RBMS1: variants seen among roughly 807,000 people sequenced by gnomAD.
RBMS1 encodes RNA-binding motif, single-stranded-interacting protein 1.
A neutral mutation model predicts 62.3 loss-of-function variants in RBMS1; 17 were observed. The observed-to-expected ratio is 0.27, with a 90% CI of 0.19 to 0.41. The LOEUF (loss-of-function observed/expected upper bound fraction) is 0.41. Among genes scored for constraint, RBMS1 ranks in the 10% least tolerant of loss-of-function variants. RBMS1 has a pLI of 1.00. For missense variants in RBMS1, 334 were observed against 504.5 expected, an observed-to-expected ratio of 0.66 and a Z score of 3.24; for synonymous variants, 172 against 170.0, an observed-to-expected ratio of 1.01 and a Z score of -0.09.
chr2:160,403,505 C>T (rs1695539095), intron 1 of RBMS1, among the ~76,000 whole-genome samples: 1 of 152,240 alleles, frequency 6.6e-6, no homozygotes, highest in Non-Finnish European at 1.5e-5. Flanking sequence ...CACTGAATCA[C>T]TGTTGAATTC....
intron 1 of RBMS1, among the ~76,000 whole-genome samples, chr2:160,474,681 T>A (rs1685054810): frequency 6.6e-6 from 1 of 152,080 alleles, no homozygotes; most frequent in Non-Finnish European, 1.5e-5. Context: ...ACAGGAAGAG[T>A]CATTTCAAAC....
intron 1 of RBMS1, among the ~76,000 whole-genome samples, chr2:160,419,673 C>T (rs977925037): frequency 5.9e-5 from 9 of 152,122 alleles, no homozygotes; most frequent in African/African-American, 2.2e-4. Flanking sequence ...CAGAGGATCC[C>T]AGACAACAAA....
At chr2:160,470,049 G>A (rs1448793939) in intron 1 of RBMS1, among the ~76,000 whole-genome samples, 1 of 152,190 alleles carries the variant, frequency 6.6e-6, no homozygotes, top group Non-Finnish European at 1.5e-5. Flanking sequence ...TTAAACCCAT[G>A]AGGCTGTTGT....
intron 1 of RBMS1, among the ~76,000 whole-genome samples, chr2:160,392,143 T>C (rs915236659): frequency 6.6e-6 from 1 of 152,208 alleles, no homozygotes; most frequent in Non-Finnish European, 1.5e-5. Context: ...GGTTTTATTT[T>C]GTACCTACCT....
At chr2:160,309,335 T>C (rs764295611) in intron 4 of RBMS1, among the ~76,000 whole-genome samples, 11 of 152,092 alleles carry the variant, frequency 7.2e-5, no homozygotes, top group Non-Finnish European at 1.2e-4. Context: ...ATGGATACAA[T>C]AGATAGATGT....
intron 1 of RBMS1, among the ~76,000 whole-genome samples, chr2:160,473,738 CTT>C (rs1440434288): frequency 6.6e-6 from 1 of 152,178 alleles, no homozygotes; most frequent in Non-Finnish European, 1.5e-5. Context: ...TCTGAAAACT[CTT>C]TTTCTCAGCA....
At chr2:160,417,334 A>C (rs1201929357) in intron 1 of RBMS1, among the ~76,000 whole-genome samples, 1 of 152,234 alleles carries the variant, frequency 6.6e-6, no homozygotes, top group Non-Finnish European at 1.5e-5. Flanking sequence ...ATTACTTAAG[A>C]TCATAAAGAG....
intron 1 of RBMS1, among the ~76,000 whole-genome samples, chr2:160,392,657 A>G (rs1203009933): frequency 6.6e-6 from 1 of 152,180 alleles, no homozygotes; most frequent in Non-Finnish European, 1.5e-5. Flanking sequence ...TGGGAAGTCA[A>G]GGTGGGAGAA....
At chr2:160,415,760 A>T (rs189393293) in intron 1 of RBMS1, among the ~76,000 whole-genome samples, 178 of 152,314 alleles carry the variant, frequency 1.2e-3, no homozygotes, top group African/African-American at 4.1e-3. Flanking sequence ...TAAAGCATTC[A>T]ATACACAGAA....
At chr2:160,477,741 C>T (rs569956843) in intron 1 of RBMS1, among the ~76,000 whole-genome samples, 2 of 152,320 alleles carry the variant, frequency 1.3e-5, no homozygotes, top group Non-Finnish European at 2.9e-5. Context: ...AATAATTCCT[C>T]ATCTGCTTAT....
chr2:160,391,556 T>C (rs1359651570), intron 1 of RBMS1, among the ~76,000 whole-genome samples: 1 of 152,184 alleles, frequency 6.6e-6, no homozygotes, highest in Non-Finnish European at 1.5e-5. Flanking sequence ...AACACACATT[T>C]TGCCATAAAA....
intron 1 of RBMS1, among the ~76,000 whole-genome samples, chr2:160,467,295 T>C (rs1684736751): frequency 6.6e-6 from 1 of 151,860 alleles, no homozygotes; most frequent in African/African-American, 2.4e-5. Flanking sequence ...GGTGAAAGCC[T>C]AGCCACAAAG....
chr2:160,343,013 C>T (rs1691966951), intron 2 of RBMS1, among the ~76,000 whole-genome samples: 1 of 152,038 alleles, frequency 6.6e-6, no homozygotes, highest in Non-Finnish European at 1.5e-5. Context: ...ACCTATGAAG[C>T]CACCATGGCA....
Position 160,469,446 on chromosome 2 carries a change from G to C in RBMS1, c.75+23843C>G, listed in dbSNP as rs548260198. ...CCCACACAAGGTGTCTGCAACTCGG[G>C]GCTGCAGGGCCTTGAGAGCTTCCAA... On this transcript the variant is annotated intron_variant, in intron 1 of 13. Transcript: ENST00000348849. Among the ~76,000 whole-genome samples the C allele has an allele frequency of 4.6e-4, 70 of 152,212 alleles. 1 individual carries two copies. The highest frequency in any genetic ancestry group is 1.7e-3 in the African/African-American group (69 of 41,542).
rs554414476 is a variant in RBMS1, at chr2:160,368,829, AG to A, written c.76-1439del. On this transcript the variant is annotated intron_variant, in intron 1 of 13. Coordinates refer to ENST00000348849, the MANE Select transcript of RBMS1 (RefSeq NM_016836.4). ...TAATTTTTGTATTTTTAGTAGAGAC[AG>A]GGTTTCACCATGTTGACCTGGCTGG... Among the ~76,000 whole-genome samples the A allele has an allele frequency of 2.1e-3, 319 of 152,144 alleles. 2 individuals carry two copies. Among genetic ancestry groups the A allele is most frequent in the African/African-American group, 7.5e-3 (312 of 41,530 alleles).
intron 2 of RBMS1, among the ~76,000 whole-genome samples, chr2:160,366,537 T>G (rs1490183353): frequency 1.3e-5 from 2 of 152,250 alleles, no homozygotes; most frequent in South Asian, 4.1e-4. Context: ...GCTCCTTGTT[T>G]TAAAATTAGT....
chr2:160,313,750 TAAAATA>T (rs908734446), intron 3 of RBMS1, among the ~76,000 whole-genome samples: 1 of 152,126 alleles, frequency 6.6e-6, no homozygotes, highest in Non-Finnish European at 1.5e-5. Flanking sequence ...ACCCCCAATA[TAAAATA>T]ATCTAAAGTT....
At chr2:160,359,600 TACATAG>T (rs1173398966) in intron 2 of RBMS1, among the ~76,000 whole-genome samples, 4 of 152,222 alleles carry the variant, frequency 2.6e-5, no homozygotes, top group Non-Finnish European at 5.9e-5. Flanking sequence ...ATTTCCTATT[TACATAG>T]AGATTTCAAA....
chr2:160,459,187 C>A (rs1684367135), intron 1 of RBMS1, among the ~76,000 whole-genome samples: 1 of 152,058 alleles, frequency 6.6e-6, no homozygotes, highest in South Asian at 2.1e-4. Flanking sequence ...TAAATTCATG[C>A]TTTATTTGTC....
Sources: gnomAD v4.1 joint callset for allele counts (sites outside exome capture counted in the v4.1 genomes callset) on GRCh38, gnomAD v4.1.1 for gene constraint, MANE v1.5 for transcripts, NCBI Gene and HGNC (gene_info 2026-07-23, HGNC 2026-07-21) for gene names.